NOX4: variants seen among roughly 807,000 people sequenced by gnomAD.
NOX4 encodes NADPH oxidase 4.
A neutral mutation model predicts 87.6 loss-of-function variants in NOX4; 69 were observed. That is an observed-to-expected ratio of 0.79 (90% CI 0.65 to 0.96). NOX4 has a LOEUF of 0.96. Ranked by LOEUF, NOX4 falls within the 40% of genes least tolerant of loss-of-function variation. The probability of loss-of-function intolerance (pLI) is 0.00; values close to 1 mark genes in which losing one functional copy is unlikely to be tolerated. For synonymous variants in NOX4, 275 were observed against 238.2 expected (o/e 1.15, Z -1.42); for missense variants, 680 against 681.5 (o/e 1.00, Z 0.02).
intron 11 of NOX4, among the ~76,000 whole-genome samples, chr11:89,379,154 G>T (rs2135086534): frequency 6.6e-6 from 1 of 152,204 alleles, no homozygotes; most frequent in South Asian, 2.1e-4. Flanking sequence ...ATAACATGGG[G>T]AGTGATAAGA....
the NOX4 span, among the ~76,000 whole-genome samples, chr11:89,555,493 A>T: frequency 6.6e-6 from 1 of 152,264 alleles, no homozygotes; most frequent in South Asian, 2.1e-4. Flanking sequence ...CAAAAAAAAA[A>T]GAGTTTTTAG....
intron 12 of NOX4, among the ~76,000 whole-genome samples, chr11:89,364,731 C>G (rs1378826199): frequency 6.6e-6 from 1 of 152,068 alleles, no homozygotes; most frequent in Non-Finnish European, 1.5e-5. Flanking sequence ...CAAAATTTAT[C>G]TACTATCATT....
chr11:89,373,277 C>CAAAAAAAAAAAAAAAAAAAAAAA (rs144113376), intron 12 of NOX4, among the ~76,000 whole-genome samples, 155 bp downstream of exon 12: 13 of 59,092 alleles, frequency 2.2e-4, no homozygotes, highest in East Asian at 6.0e-4. Flanking sequence ...ACTGTACAAG[C>CAAAAAAAAAAAAAAAAAAAAAAA]AAAAAAAAAA....
intron 2 of NOX4, among the ~76,000 whole-genome samples, chr11:89,456,172 T>C (rs962312844): frequency 2.6e-5 from 4 of 152,160 alleles, no homozygotes; most frequent in Non-Finnish European, 5.9e-5. Context: ...AAATATCATG[T>C]GTATTTTATA....
chr11:89,490,274 C>A (rs1946798102), intron 2 of NOX4, among the ~76,000 whole-genome samples, 184 bp downstream of exon 2: 1 of 152,192 alleles, frequency 6.6e-6, no homozygotes, highest in Non-Finnish European at 1.5e-5. Flanking sequence ...TTGAGAGAGT[C>A]AATCTTTTTA....
chr11:89,396,855 C>T (rs538151669), intron 11 of NOX4, among the ~76,000 whole-genome samples: 2 of 152,170 alleles, frequency 1.3e-5, no homozygotes, highest in South Asian at 2.1e-4. Context: ...CTTAGACTCC[C>T]ACTCAATAAT....
At chr11:89,570,124 C>A in the NOX4 span, among the ~76,000 whole-genome samples, 1 of 152,066 alleles carries the variant, frequency 6.6e-6, no homozygotes, top group African/African-American at 2.4e-5. Flanking sequence ...CAGTGCTGAA[C>A]TGGATAAAGG....
chr11:89,579,331 A>T, the NOX4 span, among the ~76,000 whole-genome samples: 1 of 152,156 alleles, frequency 6.6e-6, no homozygotes, highest in Admixed American at 6.5e-5. Context: ...GTGTCTGTGT[A>T]TGTTCATCAA....
chr11:89,535,112 G>A, the NOX4 span, among the ~76,000 whole-genome samples: 1 of 151,750 alleles, frequency 6.6e-6, no homozygotes, highest in Non-Finnish European at 1.5e-5. Flanking sequence ...TCTTATCAGA[G>A]TAATACAAAC....
chr11:89,496,207 G>T (rs1440613066), upstream of NOX4, among the ~76,000 whole-genome samples: 1 of 152,106 alleles, frequency 6.6e-6, no homozygotes, highest in African/African-American at 2.4e-5. Context: ...AGTCATTTAG[G>T]AATGTCTACC....
rs190744125 is a variant in NOX4, at chr11:89,396,886, C to T, written c.1074+3131G>A. ...ATAATAGTGGGAGACTTTAACACCCCACTTTCAATATTAGACAGATCAATG... is the reference window on the plus strand; with the variant it reads ...ATAATAGTGGGAGACTTTAACACCCTACTTTCAATATTAGACAGATCAATG... On this transcript the variant is annotated intron_variant, in intron 11 of 17. Transcript: ENST00000263317. Among the ~76,000 whole-genome samples the T allele has an allele frequency of 4.6e-3, 705 of 152,196 alleles. 9 individuals are homozygous for T. The highest frequency in any genetic ancestry group is 0.015 in the African/African-American group (617 of 41,548).
At chr11:89,477,516 G>T (rs534324389) in intron 2 of NOX4, among the ~76,000 whole-genome samples, 1 of 152,048 alleles carries the variant, frequency 6.6e-6, no homozygotes, top group Non-Finnish European at 1.5e-5. Flanking sequence ...ACTGGGGACC[G>T]CTGAAAGAGT....
In NOX4 at chr11:89,454,740, C is replaced by G. The variant is rs11018618; in HGVS notation, c.154-2845G>C. ...TACAGAAAGCTGACATAGTAAGGTA[C>G]AACTAACAGGTTTACCATCTCTTTA... On this transcript the variant is annotated intron_variant, in intron 2 of 17. Coordinates refer to ENST00000263317, the MANE Select transcript of NOX4 (RefSeq NM_016931.5). 1.8e-4 allele frequency among the ~76,000 whole-genome samples: 28 copies of G among 152,190 alleles called. No homozygotes were observed. The East Asian group carries it at 5.0e-3, about 27-fold the overall frequency.
chr11:89,510,949 T>C, the NOX4 span, among the ~76,000 whole-genome samples: 1 of 152,066 alleles, frequency 6.6e-6, no homozygotes, highest in Non-Finnish European at 1.5e-5. Flanking sequence ...CTCCTAATTT[T>C]AACACAATCT....
chr11:89,330,515 A>T (rs536809175), intron 17 of NOX4, among the ~76,000 whole-genome samples: 62 of 151,962 alleles, frequency 4.1e-4, no homozygotes, highest in African/African-American at 1.4e-3. Context: ...CTAGTTTCTG[A>T]TTTGGCAGAT....
intron 12 of NOX4, among the ~76,000 whole-genome samples, chr11:89,366,229 A>G (rs1043847993): frequency 8.5e-5 from 13 of 152,108 alleles, no homozygotes; most frequent in African/African-American, 3.1e-4. Context: ...AGTAAAATCA[A>G]GTAGAAAATA....
intron 2 of NOX4, among the ~76,000 whole-genome samples, chr11:89,481,782 T>C (rs564637854): frequency 9.0e-4 from 137 of 152,144 alleles, no homozygotes; most frequent in African/African-American, 3.0e-3. Flanking sequence ...AATTCATCCA[T>C]CAAACAGGGT....
chr11:89,575,862 T>C, the NOX4 span, among the ~76,000 whole-genome samples: 9 of 152,212 alleles, frequency 5.9e-5, 1 homozygote, highest in Non-Finnish European at 1.3e-4. Context: ...CAAATTCAAG[T>C]TTTGTCACTT....
intron 11 of NOX4, among the ~76,000 whole-genome samples, chr11:89,386,372 C>T (rs975274935): frequency 1.3e-5 from 2 of 152,188 alleles, no homozygotes; most frequent in African/African-American, 2.4e-5. Context: ...ACCATCATAA[C>T]TGATATCTCC....
Sources: gnomAD v4.1 joint callset for allele counts (sites outside exome capture counted in the v4.1 genomes callset) on GRCh38, gnomAD v4.1.1 for gene constraint, MANE v1.5 for transcripts, NCBI Gene and HGNC (gene_info 2026-07-23, HGNC 2026-07-21) for gene names.